Variants in DMAC2 observed in about 807,000 individuals in gnomAD.
DMAC2 encodes the protein distal membrane-arm assembly complex protein 2.
Under a neutral mutation model 29.6 loss-of-function variants are expected in DMAC2, and 32 were observed. That is an observed-to-expected ratio of 1.08 (90% CI 0.81 to 1.45). DMAC2 has a LOEUF of 1.45. Ranked by LOEUF, DMAC2 falls within the 40% of genes most tolerant of loss-of-function variation. The pLI is 0.00. For missense variants in DMAC2, 319 were observed against 340.0 expected, an observed-to-expected ratio of 0.94 and a Z score of 0.49; for synonymous variants, 133 against 137.4, an observed-to-expected ratio of 0.97 and a Z score of 0.23.
chr19:41,433,167 G>A (rs1384078875), intron 5 of DMAC2, 105 bp downstream of exon 5: 11 of 1,237,780 alleles, frequency 8.9e-6, no homozygotes, highest in South Asian at 4.5e-5. Context: ...GATGCAGGGG[G>A]ATATGAGAAC....
chr19:41,437,799 T>C (rs2039951441), intron 2 of DMAC2, among the ~76,000 whole-genome samples: 1 of 152,234 alleles, frequency 6.6e-6, no homozygotes, highest in East Asian at 1.9e-4. Context: ...CAGTGAGAAC[T>C]GGTCAAATCT....
rs782030318 is a variant in DMAC2, at chr19:41,433,376, C to T, written c.492G>A (p.Trp164Ter). 2.2e-5 allele frequency: 35 copies of T among 1,612,960 alleles called. No homozygotes were observed. Among genetic ancestry groups the T allele is most frequent in the Non-Finnish European group, 2.6e-5 (31 of 1,179,824 alleles). The part of the protein sequence containing the change: ...SLQRCCHVDD[W>*]CLSRLYPLAD... Reference sequence around the variant, plus strand: ...CCAGTGGGTAGAGGCGGCTGAGACACCAGTCGTCCACGTGGCAGCAGCGCT... The same window carrying T: ...CCAGTGGGTAGAGGCGGCTGAGACATCAGTCGTCCACGTGGCAGCAGCGCT... The change falls in exon 5 of 6, where the codon TGG becomes TGA. Residue 164 changes from tryptophan to a stop codon, truncating the protein, a stop_gained. Transcript: ENST00000221943. LOFTEE classifies it high-confidence loss of function.
chr19:41,433,531 A>G lies in DMAC2; in HGVS notation c.433+6T>C, dbSNP rs2039691533. 6.2e-7 allele frequency: 1 copy of G among 1,614,154 alleles called. No homozygotes were observed. Among genetic ancestry groups the G allele is most frequent in the Non-Finnish European group, 8.5e-7 (1 of 1,180,022 alleles). On this transcript the variant is annotated splice_donor_region_variant and intron_variant, in intron 4 of 5. Transcript: ENST00000221943. ...GCCTGTCCCATCTCCACCCCACCGC[A>G]CTCACGGAGGTTATCCAGGCCCTCG...
In DMAC2 at chr19:41,433,343, C is replaced by A; in HGVS notation, c.525G>T (p.Ser175=). Residue 175 remains serine, a synonymous_variant, in exon 5 of 6, where the codon TCG becomes TCT. Coordinates refer to ENST00000221943, the MANE Select transcript of DMAC2 (RefSeq NM_018035.3). ...AACCGGCCAGCGAGAGCTCCTGCAA[C>A]GAGTCGGCCAGTGGGTAGAGGCGGC... ...CLSRLYPLAD[S]LQELSLAGCP... is the part of the protein sequence containing the mutation. 1 of 1,612,540 alleles carries A rather than the reference C, an allele frequency of 6.2e-7. No individual in the cohort carries two copies. The highest frequency in any genetic ancestry group is 8.5e-7 in the Non-Finnish European group (1 of 1,179,932).
At chr19:41,439,522 C>T (rs1555772374) in intron 1 of DMAC2, 3 of 1,537,008 alleles carry the variant, frequency 2.0e-6, no homozygotes, top group Admixed American at 2.0e-5. Context: ...TCGAACAATC[C>T]CTTCCAAGCT....
chr19:41,434,485 C>T (rs1555770633), intron 3 of DMAC2, among the ~76,000 whole-genome samples: 1 of 149,948 alleles, frequency 6.7e-6, no homozygotes, highest in East Asian at 1.9e-4. Flanking sequence ...AACATAAGAG[C>T]AAAGAGGTAA....
intron 2 of DMAC2, among the ~76,000 whole-genome samples, chr19:41,437,655 C>T (rs765484156): frequency 5.3e-5 from 8 of 150,914 alleles, no homozygotes; most frequent in East Asian, 3.9e-4. Context: ...GCTTAGATTG[C>T]GCCACTACAC....
chr19:41,438,107 A>T (rs1229254210), intron 2 of DMAC2, 111 bp downstream of exon 2: 10 of 985,004 alleles, frequency 1.0e-5, no homozygotes, highest in Non-Finnish European at 1.5e-5. Context: ...GCTGCAAGAG[A>T]CATCAAGGCT....
In DMAC2 at chr19:41,432,160, A is replaced by C; in HGVS notation, c.*71T>G. 6.5e-7 allele frequency: 1 copy of C among 1,530,162 alleles called. No individual in the cohort carries two copies. The highest frequency in any genetic ancestry group is 8.9e-7 in the Non-Finnish European group (1 of 1,122,740). 94.8% of individuals were successfully genotyped at this position (1,530,162 alleles called of 1,614,324 possible). On this transcript the variant is annotated 3_prime_UTR_variant, in exon 6 of 6. Coordinates refer to ENST00000221943, the MANE Select transcript of DMAC2 (RefSeq NM_018035.3). ...TTGAGTGAAGACAAATGGAAGCCAG[A>C]AGTGTGGTGAGCTACCAGACATTCC... is the stretch of plus-strand genomic sequence containing the variant.
Position 41,432,171 on chromosome 19 carries a change from G to T in DMAC2, c.*60C>A. 6.4e-7 allele frequency: 1 copy of T among 1,556,148 alleles called. No individual in the cohort carries two copies. Among genetic ancestry groups the T allele is most frequent in the Non-Finnish European group, 8.8e-7 (1 of 1,142,286 alleles). ...CAAATGGAAGCCAGAAGTGTGGTGA[G>T]CTACCAGACATTCCATGCAGCCCGC... is the stretch of plus-strand genomic sequence containing the variant. On this transcript the variant is annotated 3_prime_UTR_variant, in exon 6 of 6. Coordinates refer to ENST00000221943, the MANE Select transcript of DMAC2 (RefSeq NM_018035.3).
rs782095277 is a variant in DMAC2 at position 41,433,553 on chromosome 19, C to A, written c.417G>T (p.Glu139Asp). 6.2e-7 allele frequency: 1 copy of A among 1,614,062 alleles called. No individual in the cohort carries two copies. The highest frequency in any genetic ancestry group is 2.2e-5 in the East Asian group (1 of 44,900). The change falls in exon 4 of 6, where the codon GAG becomes GAT. Residue 139 changes from glutamate to aspartate, a missense_variant. Coordinates refer to ENST00000221943, the MANE Select transcript of DMAC2 (RefSeq NM_018035.3). Reference sequence around the variant, plus strand: ...CGCACTCACGGAGGTTATCCAGGCCCTCGTAGTTGATGTCACAGTCACCGG... The same window carrying A: ...CGCACTCACGGAGGTTATCCAGGCCATCGTAGTTGATGTCACAGTCACCGG... ...VDAGDCDINYEGLDNLLRLKE... is the reference protein window; with the variant it reads ...VDAGDCDINYDGLDNLLRLKE...
At chr19:41,439,268 T>A in intron 1 of DMAC2, 1 of 490,152 alleles carries the variant, frequency 2.0e-6, no homozygotes, top group Non-Finnish European at 3.6e-6. Context: ...CTTATTTTCC[T>A]CAAAAGTTTA....
chr19:41,435,619 T>A (rs1236985327), intron 3 of DMAC2, among the ~76,000 whole-genome samples: 7 of 151,762 alleles, frequency 4.6e-5, no homozygotes, highest in Non-Finnish European at 1.0e-4. Context: ...AGGCTAGAGT[T>A]CAGTGGTGTG....
At position 41,431,325 on chromosome 19, in the gene DMAC2, A is replaced by C. The variant is rs782569609; in HGVS notation, c.*906T>G. On this transcript the variant is annotated 3_prime_UTR_variant, in exon 6 of 6. Transcript: ENST00000221943. ...GAGAGAAAAACCACAGAGTAACTTG[A>C]ACAGGGAAAGTTTAATATAGAGAAT... 1 of 518,970 alleles carries C rather than the reference A, an allele frequency of 1.9e-6. No individual in the cohort carries two copies. The highest frequency in any genetic ancestry group is 3.8e-6 in the Non-Finnish European group (1 of 259,806). 32.1% of individuals were successfully genotyped at this position (518,970 alleles called of 1,614,324 possible).
Position 41,432,165 on chromosome 19 carries a change from T to C in DMAC2, c.*66A>G. ...TGAAGACAAATGGAAGCCAGAAGTG[T>C]GGTGAGCTACCAGACATTCCATGCA... On this transcript the variant is annotated 3_prime_UTR_variant, in exon 6 of 6. Transcript: ENST00000221943. 1 of 1,542,878 alleles carries C rather than the reference T, an allele frequency of 6.5e-7. No individual in the cohort carries two copies. Among genetic ancestry groups the C allele is most frequent in the Non-Finnish European group, 8.8e-7 (1 of 1,132,868 alleles).
chr19:41,436,363 A>C, intron 3 of DMAC2, 29 bp downstream of exon 3: 2 of 1,602,450 alleles, frequency 1.2e-6, no homozygotes, highest in Non-Finnish European at 1.7e-6. Context: ...CACCTGCCCC[A>C]GCCCGTTCTA....
In DMAC2 at chr19:41,433,576, C is replaced by T. The variant is rs781788109; in HGVS notation, c.394G>A (p.Gly132Ser). The change falls in exon 4 of 6, where the codon GGT becomes AGT. Residue 132 changes from glycine to serine, a missense_variant. Coordinates refer to ENST00000221943, the MANE Select transcript of DMAC2 (RefSeq NM_018035.3). The part of the protein sequence containing the change: ...CEVPVEAVDA[G>S]DCDINYEGLD... ...CCCTCGTAGTTGATGTCACAGTCAC[C>T]GGCATCCACAGCTTCGACAGGCACT... 8.7e-6 allele frequency: 14 copies of T among 1,614,056 alleles called. No homozygotes were observed. Among genetic ancestry groups the T allele is most frequent in the East Asian group, 4.5e-5 (2 of 44,898 alleles).
rs782076798 is a variant in DMAC2, at chr19:41,432,409, C to T, written c.597-1G>A. On this transcript the variant is annotated splice_acceptor_variant, in intron 5 of 5. Transcript: ENST00000221943. LOFTEE classifies it high-confidence loss of function. ...CGAGATGTCCAGCCTGCGGAGGTTC[C>T]TGAAAAGGGGTGAGAAGGACAGGAA... 6.2e-7 allele frequency: 1 copy of T among 1,613,272 alleles called. No individual in the cohort carries two copies. The highest frequency in any genetic ancestry group is 8.5e-7 in the Non-Finnish European group (1 of 1,179,874).
At chr19:41,433,038 C>G in intron 5 of DMAC2, 1 of 547,786 alleles carries the variant, frequency 1.8e-6, no homozygotes. Flanking sequence ...TGTTCTGCAA[C>G]AGCGTCGATA....
Sources: allele counts gnomAD v4.1 joint callset (sites outside exome capture counted in the v4.1 genomes callset), GRCh38; gene constraint gnomAD v4.1.1; transcripts MANE v1.5; gene names NCBI Gene and HGNC (gene_info 2026-07-23, HGNC 2026-07-21).